GPHN: variants seen among roughly 807,000 people sequenced by gnomAD.
The protein encoded by GPHN is gephyrin.
In GPHN, 17 loss-of-function variants were observed where a neutral mutation model predicts 95.5. The ratio of observed to expected loss-of-function variants is 0.18; its 90% CI spans 0.12 to 0.27. The LOEUF (loss-of-function observed/expected upper bound fraction) is 0.27, where lower values mean the gene tolerates loss of function less well. Ranked by LOEUF, GPHN falls within the 10% of genes least tolerant of loss-of-function variation. The pLI is 1.00. For missense variants in GPHN, 660 were observed against 978.1 expected, an observed-to-expected ratio of 0.67 and a Z score of 4.34; for synonymous variants, 320 against 322.5, an observed-to-expected ratio of 0.99 and a Z score of 0.08.
intron 2 of GPHN, among the ~76,000 whole-genome samples, chr14:66,765,471 C>G (rs2058929520): frequency 6.6e-6 from 1 of 151,994 alleles, no homozygotes; most frequent in African/African-American, 2.4e-5. Flanking sequence ...TTGCAGCAGC[C>G]TTTGGAGCCA....
At chr14:66,728,756 A>T (rs1212111355) in intron 2 of GPHN, among the ~76,000 whole-genome samples, 1 of 152,150 alleles carries the variant, frequency 6.6e-6, no homozygotes, top group East Asian at 1.9e-4. Flanking sequence ...GACTTGCCTT[A>T]TCTCAGATGA....
At chr14:67,583,776 A>G in the GPHN span, 4 of 1,612,382 alleles carry the variant, frequency 2.5e-6, no homozygotes, top group Non-Finnish European at 2.5e-6. Context: ...CTGCCCTGCC[A>G]GGCCCTGGAG....
At chr14:67,116,987 C>A (rs577589747) in intron 16 of GPHN, among the ~76,000 whole-genome samples, 1 of 152,084 alleles carries the variant, frequency 6.6e-6, no homozygotes. Context: ...TTGTGTTAGA[C>A]CTATGTATCT....
the GPHN span, among the ~76,000 whole-genome samples, chr14:67,243,721 C>T: frequency 2.0e-5 from 3 of 151,600 alleles, no homozygotes; most frequent in South Asian, 2.1e-4. Context: ...TGATCTCAAT[C>T]TCCTGACCTC....
At chr14:66,549,948 C>T (rs997126213) in intron 1 of GPHN, among the ~76,000 whole-genome samples, 3 of 152,122 alleles carry the variant, frequency 2.0e-5, no homozygotes. Context: ...ATACCTACTG[C>T]TCAGAAAGAA....
At chr14:66,774,461 G>A (rs898429702) in intron 2 of GPHN, among the ~76,000 whole-genome samples, 1 of 152,186 alleles carries the variant, frequency 6.6e-6, no homozygotes, top group African/African-American at 2.4e-5. Context: ...GACATGGTTA[G>A]CAATAATGCA....
chr14:67,239,339 A>G, the GPHN span, among the ~76,000 whole-genome samples: 1 of 152,096 alleles, frequency 6.6e-6, no homozygotes, highest in Non-Finnish European at 1.5e-5. Context: ...TGATGTCTGG[A>G]GACATTTTTG....
At chr14:66,854,834 G>A (rs2062731449) in intron 4 of GPHN, among the ~76,000 whole-genome samples, 1 of 149,352 alleles carries the variant, frequency 6.7e-6, no homozygotes, top group African/African-American at 2.5e-5. Flanking sequence ...CACAAAACTT[G>A]CTATTTTAGC....
the GPHN span, among the ~76,000 whole-genome samples, chr14:67,268,597 T>C: frequency 6.6e-6 from 1 of 152,216 alleles, no homozygotes; most frequent in Non-Finnish European, 1.5e-5. Context: ...CCATATAGGG[T>C]GACTTCCTAA....
the GPHN span, among the ~76,000 whole-genome samples, chr14:67,501,746 C>T: frequency 1.4e-4 from 21 of 152,272 alleles, no homozygotes; most frequent in Admixed American, 7.2e-4. Context: ...ATCTAAGAGC[C>T]TTGGAATTCA....
chr14:67,114,063 G>A (rs2078532493), intron 16 of GPHN, among the ~76,000 whole-genome samples: 1 of 152,046 alleles, frequency 6.6e-6, no homozygotes, highest in Admixed American at 6.5e-5. Context: ...ATTTTCAGAG[G>A]TCTTTTTATG....
At chr14:67,560,057 C>T in the GPHN span, among the ~76,000 whole-genome samples, 4 of 152,292 alleles carry the variant, frequency 2.6e-5, no homozygotes, top group East Asian at 3.9e-4. Flanking sequence ...GACAGAGTCT[C>T]GCTCTCTCGC....
chr14:66,562,520 CAT>C (rs2060301851), intron 1 of GPHN, among the ~76,000 whole-genome samples: 2 of 152,130 alleles, frequency 1.3e-5, no homozygotes, highest in South Asian at 4.1e-4. Context: ...AATTTATTAA[CAT>C]GTGGATTGCT....
At chr14:66,986,325 A>AT (rs1353762226) in intron 9 of GPHN, among the ~76,000 whole-genome samples, 1 of 152,052 alleles carries the variant, frequency 6.6e-6, no homozygotes, top group African/African-American at 2.4e-5. Context: ...CCTCTGTTTT[A>AT]TTTTTTAAAT....
intron 2 of GPHN, among the ~76,000 whole-genome samples, chr14:66,755,314 A>G (rs925359941): frequency 6.6e-6 from 1 of 152,130 alleles, no homozygotes; most frequent in African/African-American, 2.4e-5. Context: ...GCATAACTGC[A>G]TAACATGGGT....
chr14:67,535,875 G>T, the GPHN span, among the ~76,000 whole-genome samples: 1 of 152,180 alleles, frequency 6.6e-6, no homozygotes, highest in African/African-American at 2.4e-5. Context: ...GTTGGAAAAT[G>T]GTTAAATGAC....
the GPHN span, among the ~76,000 whole-genome samples, chr14:67,626,095 A>T: frequency 3.3e-5 from 5 of 152,076 alleles, no homozygotes; most frequent in African/African-American, 1.2e-4. Context: ...TCTACTAAAA[A>T]ATACAAAAAT....
chr14:67,172,324 C>T (rs1215507606), intron 21 of GPHN, among the ~76,000 whole-genome samples: 2 of 152,156 alleles, frequency 1.3e-5, no homozygotes, highest in African/African-American at 4.8e-5. Flanking sequence ...CTTGGCTGCT[C>T]AGAGCAGTCA....
chr14:67,626,730 G>A, the GPHN span, among the ~76,000 whole-genome samples: 1 of 152,104 alleles, frequency 6.6e-6, no homozygotes, highest in East Asian at 1.9e-4. Flanking sequence ...AAAGTGCTAG[G>A]ATTATAGGCA....
Sources: gnomAD v4.1 joint callset for allele counts (sites outside exome capture counted in the v4.1 genomes callset) on GRCh38, gnomAD v4.1.1 for gene constraint, MANE v1.5 for transcripts, NCBI Gene and HGNC (gene_info 2026-07-23, HGNC 2026-07-21) for gene names.